Variants in MCTP2 observed in about 807,000 individuals in gnomAD.
MCTP2 encodes multiple C2 and transmembrane domain containing 2, also known as multiple C2 and transmembrane domain-containing protein 2.
A neutral mutation model predicts 111.6 loss-of-function variants in MCTP2; 132 were observed. The observed-to-expected ratio is 1.18, with a 90% CI of 1.03 to 1.37. MCTP2 has a LOEUF of 1.37. Among genes scored for constraint, MCTP2 ranks in the 40% most tolerant of loss-of-function variants. MCTP2 has a pLI of 0.00. For missense variants in MCTP2, 1,183 were observed against 1,067.9 expected (o/e 1.11, Z -1.50); for synonymous variants, 395 against 387.7 (o/e 1.02, Z -0.22).
At chr15:94,334,683 A>G (rs1400801133) in intron 4 of MCTP2, among the ~76,000 whole-genome samples, 2 of 151,948 alleles carry the variant, frequency 1.3e-5, no homozygotes, top group Non-Finnish European at 2.9e-5. Flanking sequence ...CCACAGGCAC[A>G]TGCAACCACA....
intron 1 of MCTP2, among the ~76,000 whole-genome samples, chr15:94,243,882 T>C (rs993257771): frequency 1.4e-5 from 2 of 145,770 alleles, no homozygotes; most frequent in African/African-American, 2.5e-5. Context: ...TATATATTTA[T>C]GTACACATAT....
At chr15:94,403,123 G>C (rs772927696) in intron 17 of MCTP2, 103 of 986,418 alleles carry the variant, frequency 1.0e-4, no homozygotes, top group Non-Finnish European at 1.1e-4. Context: ...GTTTGCTGTC[G>C]TTTATTTTAG....
intron 4 of MCTP2, among the ~76,000 whole-genome samples, chr15:94,334,862 A>G (rs566167040): frequency 6.6e-6 from 1 of 152,228 alleles, no homozygotes; most frequent in East Asian, 1.9e-4. Context: ...ATTTGTCTGT[A>G]CTGCATTTCT....
chr15:94,284,321 T>C (rs549771577), intron 1 of MCTP2, among the ~76,000 whole-genome samples: 54 of 152,326 alleles, frequency 3.5e-4, no homozygotes, highest in African/African-American at 1.1e-3. Context: ...AGTTTATACT[T>C]GGCTGAAAAA....
intron 1 of MCTP2, among the ~76,000 whole-genome samples, chr15:94,244,804 A>G (rs1292344925): frequency 2.0e-5 from 3 of 147,752 alleles, no homozygotes; most frequent in Non-Finnish European, 1.5e-5. Context: ...GTATGTTTAT[A>G]TACGTATATG....
chr15:94,244,275 CATATATACACATACATATGTGTATATAT>C (rs2071518514), intron 1 of MCTP2, among the ~76,000 whole-genome samples: 1 of 142,470 alleles, frequency 7.0e-6, no homozygotes, highest in Non-Finnish European at 1.5e-5. Context: ...TATATACACA[CATATATACACATACATATGTGTATATAT>C]TTATATACAC....
intron 8 of MCTP2, among the ~76,000 whole-genome samples, chr15:94,349,370 A>G (rs1357809390): frequency 6.6e-6 from 1 of 152,214 alleles, no homozygotes; most frequent in African/African-American, 2.4e-5. Flanking sequence ...CTCACTGAGC[A>G]CATACACTTG....
At chr15:94,339,951 G>T (rs2077548098) in intron 5 of MCTP2, among the ~76,000 whole-genome samples, 1 of 152,160 alleles carries the variant, frequency 6.6e-6, no homozygotes, top group Admixed American at 6.5e-5. Flanking sequence ...CATTTCAATG[G>T]ATATAAATAC....
chr15:94,377,009 G>A (rs981895005), intron 12 of MCTP2, among the ~76,000 whole-genome samples: 2 of 152,166 alleles, frequency 1.3e-5, no homozygotes, highest in Non-Finnish European at 2.9e-5. Flanking sequence ...GAGTAAAAAT[G>A]TTTCTGCCTT....
intron 19 of MCTP2, among the ~76,000 whole-genome samples, chr15:94,448,188 A>C (rs2084233482): frequency 6.6e-6 from 1 of 152,132 alleles, no homozygotes; most frequent in Non-Finnish European, 1.5e-5. Flanking sequence ...CAATGTTTTG[A>C]CTTGATAACC....
At chr15:94,467,932 G>T (rs1026209077) in intron 20 of MCTP2, among the ~76,000 whole-genome samples, 16 of 152,174 alleles carry the variant, frequency 1.1e-4, no homozygotes, top group African/African-American at 3.9e-4. Flanking sequence ...AATAAAGAAG[G>T]GAGAAAAATA....
At chr15:94,454,815 A>G (rs888275337) in intron 19 of MCTP2, among the ~76,000 whole-genome samples, 6 of 152,012 alleles carry the variant, frequency 3.9e-5, no homozygotes, top group Admixed American at 3.3e-4. Flanking sequence ...CTGAAGTTAT[A>G]CTTTAGGTTA....
intron 7 of MCTP2, chr15:94,343,549 A>G (rs1246477697): frequency 6.6e-6 from 1 of 152,208 alleles, no homozygotes; most frequent in African/African-American, 2.4e-5. Flanking sequence ...ACTTAAATGT[A>G]TATGAGAATG....
At chr15:94,330,279 T>C (rs1349163868) in intron 4 of MCTP2, among the ~76,000 whole-genome samples, 1 of 152,208 alleles carries the variant, frequency 6.6e-6, no homozygotes, top group African/African-American at 2.4e-5. Flanking sequence ...CTATAAAGGC[T>C]GGTGTCTATT....
At chr15:94,294,627 C>A (rs1160709333) in intron 1 of MCTP2, among the ~76,000 whole-genome samples, 1 of 152,170 alleles carries the variant, frequency 6.6e-6, no homozygotes, top group Non-Finnish European at 1.5e-5. Flanking sequence ...TTGTTTACAG[C>A]AACTCCTTTT....
intron 4 of MCTP2, among the ~76,000 whole-genome samples, chr15:94,327,070 G>A (rs898075469): frequency 2.6e-5 from 4 of 151,832 alleles, no homozygotes; most frequent in African/African-American, 9.7e-5. Context: ...TTTGTCACTT[G>A]CCTTTAGATT....
At chr15:94,432,651 C>T (rs1025212928) in intron 17 of MCTP2, among the ~76,000 whole-genome samples, 10 of 152,142 alleles carry the variant, frequency 6.6e-5, no homozygotes, top group Admixed American at 6.5e-5. Flanking sequence ...ACACTACTTT[C>T]ATGGACAGTG....
intron 19 of MCTP2, among the ~76,000 whole-genome samples, chr15:94,450,201 T>C (rs1000938524): frequency 1.3e-5 from 2 of 152,228 alleles, no homozygotes; most frequent in Admixed American, 6.5e-5. Context: ...AGAAATGATA[T>C]TGATTCAAAA....
intron 17 of MCTP2, among the ~76,000 whole-genome samples, chr15:94,404,274 G>A (rs1265421137): frequency 6.6e-6 from 1 of 150,380 alleles, no homozygotes; most frequent in Admixed American, 6.6e-5. Flanking sequence ...AATAATAAAT[G>A]TATTTCAGTT....
Sources: gnomAD v4.1 joint callset for allele counts (sites outside exome capture counted in the v4.1 genomes callset) on GRCh38, gnomAD v4.1.1 for gene constraint, MANE v1.5 for transcripts, NCBI Gene and HGNC (gene_info 2026-07-23, HGNC 2026-07-21) for gene names.